Variants in PCDHGB1 observed in about 807,000 individuals in gnomAD.
PCDHGB1 encodes protocadherin gamma subfamily B, 1.
A neutral mutation model predicts 56.6 loss-of-function variants in PCDHGB1; 34 were observed. The observed-to-expected ratio is 0.60, with a 90% CI of 0.46 to 0.80. The LOEUF (loss-of-function observed/expected upper bound fraction) is 0.80. Ranked by LOEUF, PCDHGB1 falls within the 30% of genes least tolerant of loss-of-function variation. The pLI, the probability that PCDHGB1 is intolerant of heterozygous loss-of-function variation, is 0.00. For missense variants in PCDHGB1, 1,278 were observed against 1,204.6 expected (o/e 1.06, Z -0.90); for synonymous variants, 561 against 505.9 (o/e 1.11, Z -1.46).
intron 1 of PCDHGB1, chr5:141,433,288 G>A (rs2097582001): frequency 5.3e-6 from 6 of 1,136,424 alleles, no homozygotes; most frequent in Non-Finnish European, 7.5e-6. Flanking sequence ...CAAACTCCTA[G>A]GCTCAAGCAA....
chr5:141,440,527 T>G (rs1282939317), intron 1 of PCDHGB1: 3 of 152,222 alleles, frequency 2.0e-5, no homozygotes, highest in African/African-American at 7.2e-5. Context: ...TGAAGAATCA[T>G]GCACCACGGT....
chr5:141,409,988 G>A (rs373071156), intron 1 of PCDHGB1: 43 of 1,613,160 alleles, frequency 2.7e-5, no homozygotes, highest in African/African-American at 5.3e-5. Context: ...AGCGGTGGAC[G>A]CCGACTCGGG....
chr5:141,511,241 C>A lies in PCDHGB1; in HGVS notation c.*68C>A. On this transcript the variant is annotated 3_prime_UTR_variant, in exon 4 of 4. Coordinates refer to ENST00000523390, the MANE Select transcript of PCDHGB1 (RefSeq NM_018922.3). ...CCAGCCCAGCTTCTCCTTACCTGCA[C>A]CCAGGCCTCAGAGTTTCAGGGCTAA... 1 of 1,585,212 alleles carries A rather than the reference C, an allele frequency of 6.3e-7. No individual in the cohort carries two copies. The highest frequency in any genetic ancestry group is 8.6e-7 in the Non-Finnish European group (1 of 1,165,762).
intron 1 of PCDHGB1, chr5:141,409,349 A>G: frequency 6.2e-7 from 1 of 1,614,030 alleles, no homozygotes. Context: ...TGGAGAAGTC[A>G]GGTGTAATAT....
At chr5:141,405,301 G>C (rs369812265) in intron 1 of PCDHGB1, 2 of 1,614,082 alleles carry the variant, frequency 1.2e-6, no homozygotes, top group African/African-American at 2.7e-5. Context: ...TCAGCCAGCA[G>C]AGCTGTGAGA....
rs1210809217 is a variant in PCDHGB1 at position 141,432,990 on chromosome 5, A to G, written c.2410-61817A>G. The G allele has an allele frequency of 6.2e-7, 1 of 1,614,152 alleles. No individual in the cohort carries two copies. The highest frequency in any genetic ancestry group is 1.7e-5 in the Admixed American group (1 of 60,022). ...CCGGCGTCGCACTTTGTGGGCGTGGACGGGGTGCAGGCTTTCCTGCAGACC... is the reference window on the plus strand; with the variant it reads ...CCGGCGTCGCACTTTGTGGGCGTGGGCGGGGTGCAGGCTTTCCTGCAGACC... On this transcript the variant is annotated intron_variant, in intron 1 of 3. Transcript: ENST00000523390. This position sits in a 1 kb window ranked among gnomAD's most constrained non-coding sequence, Gnocchi z 6.0.
chr5:141,389,152 C>T (rs1176301501), intron 1 of PCDHGB1: 2 of 1,614,022 alleles, frequency 1.2e-6, no homozygotes, highest in South Asian at 2.2e-5. Flanking sequence ...GTTACGGCAA[C>T]AGATCGGGGC....
At chr5:141,492,834 G>A (rs544218873) in intron 1 of PCDHGB1, among the ~76,000 whole-genome samples, 7 of 152,214 alleles carry the variant, frequency 4.6e-5, no homozygotes, top group African/African-American at 1.7e-4. Context: ...CCTTCCTCCC[G>A]CAGGAAGTGA....
chr5:141,481,689 C>T (rs1198127143), intron 1 of PCDHGB1, among the ~76,000 whole-genome samples: 1 of 152,102 alleles, frequency 6.6e-6, no homozygotes, highest in Non-Finnish European at 1.5e-5. Context: ...CCTGGTGGCT[C>T]ACGCCTGTAA....
At chr5:141,407,602 G>A (rs1395597779) in intron 1 of PCDHGB1, among the ~76,000 whole-genome samples, 2 of 152,064 alleles carry the variant, frequency 1.3e-5, no homozygotes, top group Non-Finnish European at 2.9e-5. Context: ...ATCTTAAAAA[G>A]AAGCATTGGT....
At position 141,489,985 on chromosome 5, in the gene PCDHGB1, G is replaced by A. The variant is rs761481986; in HGVS notation, c.2410-4822G>A. ...AACCTTCCAATCCTCAGTTCTACGT[G>A]TGGGAATCCCAGAGAATGCACCCAT... On this transcript the variant is annotated intron_variant, in intron 1 of 3. Transcript: ENST00000523390. The surrounding 1 kb of genome is among the most constrained non-coding windows in gnomAD (Gnocchi z 4.5). The A allele has an allele frequency of 1.2e-6, 2 of 1,614,094 alleles. No homozygotes were observed. Among genetic ancestry groups the A allele is most frequent in the African/African-American group, 2.7e-5 (2 of 74,946 alleles).
chr5:141,503,912 AAC>A lies in PCDHGB1; in HGVS notation c.2469-1471_2469-1470del, dbSNP rs34419983. Among the ~76,000 whole-genome samples, 284 of 152,278 alleles carry A rather than the reference AAC, an allele frequency of 1.9e-3. 1 individual carries two copies. The highest frequency in any genetic ancestry group is 0.014 in the Middle Eastern group (4 of 292). Reference sequence around the variant, plus strand: ...GACAAAATATGCACACACACAACGCAACACACACACAGACATTTTCATGCCTT... The same window carrying A: ...GACAAAATATGCACACACACAACGCAACACACACAGACATTTTCATGCCTT... On this transcript the variant is annotated intron_variant, in intron 2 of 3. Coordinates refer to ENST00000523390, the MANE Select transcript of PCDHGB1 (RefSeq NM_018922.3).
At chr5:141,387,774 G>C (rs2091089351) in intron 1 of PCDHGB1, 3 of 1,445,206 alleles carry the variant, frequency 2.1e-6, no homozygotes, top group East Asian at 2.5e-5. Context: ...ATTTTTTCTT[G>C]AACTGGAACT....
At chr5:141,418,233 A>T in intron 1 of PCDHGB1, 1 of 1,614,048 alleles carries the variant, frequency 6.2e-7, no homozygotes, top group Non-Finnish European at 8.5e-7. Flanking sequence ...GTGATTGAGG[A>T]TGTTAATGAC....
At chr5:141,421,169 T>G in intron 1 of PCDHGB1, 2 of 1,340,600 alleles carry the variant, frequency 1.5e-6, no homozygotes, top group South Asian at 1.5e-5. Flanking sequence ...CATAGATACA[T>G]AAGCCGATTC....
chr5:141,418,497 CCG>C, intron 1 of PCDHGB1: 1 of 1,613,994 alleles, frequency 6.2e-7, no homozygotes, highest in Non-Finnish European at 8.5e-7. Flanking sequence ...TTGGTACTGA[CCG>C]CCTTAGATGG....
intron 2 of PCDHGB1, among the ~76,000 whole-genome samples, chr5:141,499,256 A>G (rs371266271): frequency 6.6e-6 from 1 of 151,968 alleles, no homozygotes; most frequent in Non-Finnish European, 1.5e-5. Context: ...AAGAGTCTCC[A>G]TTTGGTCCCT....
rs566838507 is a variant in PCDHGB1, at chr5:141,415,047, G to T, written c.2409+62378G>T. ...GCGAGCCGGGACTCTTCGCGGTGGG[G>T]GAGCACACGGGCGAGGTGCGCACGG... On this transcript the variant is annotated intron_variant, in intron 1 of 3. Transcript: ENST00000523390. The T allele has an allele frequency of 4.2e-5, 67 of 1,613,220 alleles. 1 individual carries two copies. The Admixed American group carries it at 6.0e-4, about 14-fold the overall frequency.
At chr5:141,369,792 G>C (rs1166011408) in intron 1 of PCDHGB1, among the ~76,000 whole-genome samples, 1 of 152,158 alleles carries the variant, frequency 6.6e-6, no homozygotes, top group Non-Finnish European at 1.5e-5. Context: ...TTTATACTAC[G>C]TCTTCTGCCA....
Sources: gnomAD v4.1 joint callset for allele counts (sites outside exome capture counted in the v4.1 genomes callset) on GRCh38, gnomAD v4.1.1 for gene constraint, Gnocchi (gnomAD v3.1) non-coding constraint, MANE v1.5 for transcripts, NCBI Gene and HGNC (gene_info 2026-07-23, HGNC 2026-07-21) for gene names.